Variants in PDE1A observed in about 807,000 individuals in gnomAD.
The protein encoded by PDE1A is dual specificity calcium/calmodulin-dependent 3',5'-cyclic nucleotide phosphodiesterase 1A.
In PDE1A, 35 loss-of-function variants were observed where a neutral mutation model predicts 61.7. That is an observed-to-expected ratio of 0.57 (90% CI 0.43 to 0.75). The LOEUF (loss-of-function observed/expected upper bound fraction) is 0.75. PDE1A is among the 30% of genes least tolerant of loss of function. The pLI is 0.00. For missense variants in PDE1A, 597 were observed against 630.6 expected (o/e 0.95, Z 0.57); for synonymous variants, 232 against 213.2 (o/e 1.09, Z -0.77).
intron 7 of PDE1A, among the ~76,000 whole-genome samples, chr2:182,215,965 A>G (rs1197462758): frequency 1.7e-5 from 2 of 117,924 alleles, no homozygotes; most frequent in African/African-American, 7.0e-5. Flanking sequence ...CACAACAAAA[A>G]AAGAGAATTT....
chr2:182,371,005 GCAAT>G (rs1700100578), intron 1 of PDE1A, among the ~76,000 whole-genome samples: 1 of 152,056 alleles, frequency 6.6e-6, no homozygotes, highest in African/African-American at 2.4e-5. Flanking sequence ...CTACTCAAAC[GCAAT>G]CAATTAACAT....
the PDE1A span, among the ~76,000 whole-genome samples, chr2:182,558,450 TAAAAC>T: frequency 1.3e-5 from 2 of 152,124 alleles, no homozygotes; most frequent in Non-Finnish European, 2.9e-5. Context: ...TAATATAAAA[TAAAAC>T]AAAATTAAAG....
chr2:182,585,430 A>T, the PDE1A span, among the ~76,000 whole-genome samples: 12,770 of 152,256 alleles, frequency 0.084, 1,723 homozygotes, highest in African/African-American at 0.29. Context: ...ACAGAAAGTG[A>T]TCGTATTCAT....
Position 182,502,916 on chromosome 2 carries a change from T to C in PDE1A, c.101+19360A>G, listed in dbSNP as rs142875703. ...TGAAATAGGCACATTATTACCTTTCTAAAATTTGGAAAGTTGTGAATTTGG... is the reference window on the plus strand; with the variant it reads ...TGAAATAGGCACATTATTACCTTTCCAAAATTTGGAAAGTTGTGAATTTGG... On this transcript the variant is annotated intron_variant, in intron 2 of 14. Transcript: ENST00000410103. 2.9e-3 allele frequency among the ~76,000 whole-genome samples: 434 copies of C among 152,278 alleles called. 2 individuals are homozygous for C. The highest frequency in any genetic ancestry group is 4.1e-3 in the Non-Finnish European group (278 of 68,024).
chr2:182,388,849 C>A (rs535974611), intron 1 of PDE1A, among the ~76,000 whole-genome samples: 10 of 151,818 alleles, frequency 6.6e-5, no homozygotes, highest in African/African-American at 1.9e-4. Flanking sequence ...GAAAAGTTAA[C>A]AAAATTAAGA....
chr2:182,148,054 G>T (rs1398777094), intron 13 of PDE1A, among the ~76,000 whole-genome samples: 1 of 152,268 alleles, frequency 6.6e-6, no homozygotes, highest in African/African-American at 2.4e-5. Context: ...CGATATGGAG[G>T]GTTGGGACTT....
chr2:182,331,907 T>G (rs996985032), intron 1 of PDE1A, among the ~76,000 whole-genome samples: 4 of 152,218 alleles, frequency 2.6e-5, no homozygotes, highest in African/African-American at 9.7e-5. Flanking sequence ...CTTGCTAGGT[T>G]GGGGAAGTTC....
chr2:182,432,282 C>T lies in PDE1A; in HGVS notation c.101+89994G>A, dbSNP rs148141426. Reference sequence around the variant, plus strand: ...TCCAACCAAGAATAAACTCTGTAGTCATTTTTAACTCTCCTTAACCACAAC... The same window carrying T: ...TCCAACCAAGAATAAACTCTGTAGTTATTTTTAACTCTCCTTAACCACAAC... On this transcript the variant is annotated intron_variant, in intron 2 of 14. Coordinates refer to the PDE1A transcript ENST00000410103. Among the ~76,000 whole-genome samples the T allele has an allele frequency of 1.7e-4, 26 of 152,244 alleles. No homozygotes were observed. In the East Asian group the frequency reaches 5.0e-3, roughly 29 times the overall value.
At chr2:182,454,712 C>T (rs1169672198) in intron 2 of PDE1A, among the ~76,000 whole-genome samples, 2 of 151,706 alleles carry the variant, frequency 1.3e-5, no homozygotes, top group African/African-American at 4.8e-5. Context: ...AACTGGCTAG[C>T]CATATGTAGA....
intron 1 of PDE1A, among the ~76,000 whole-genome samples, chr2:182,380,404 A>G (rs1455667557): frequency 1.3e-5 from 2 of 149,280 alleles, no homozygotes; most frequent in African/African-American, 5.0e-5. Context: ...GAGCCACCGC[A>G]CCCAGCCCCA....
chr2:182,381,479 T>C (rs1306297038), intron 1 of PDE1A, among the ~76,000 whole-genome samples: 1 of 152,172 alleles, frequency 6.6e-6, no homozygotes, highest in Non-Finnish European at 1.5e-5. Context: ...AATGTATCAG[T>C]GTAATGTCAT....
the PDE1A span, among the ~76,000 whole-genome samples, chr2:182,696,255 T>A: frequency 1.3e-5 from 2 of 152,212 alleles, no homozygotes; most frequent in Non-Finnish European, 1.5e-5. Flanking sequence ...CTATAGTACA[T>A]CCAGACAACG....
At chr2:182,398,099 T>C (rs1701808074) in intron 1 of PDE1A, among the ~76,000 whole-genome samples, 1 of 151,472 alleles carries the variant, frequency 6.6e-6, no homozygotes, top group African/African-American at 2.4e-5. Context: ...CTGAAAAAAA[T>C]GACAAAAAGA....
chr2:182,146,110 CCTTT>C (rs1690479995), downstream of PDE1A, among the ~76,000 whole-genome samples: 1 of 152,198 alleles, frequency 6.6e-6, no homozygotes, highest in East Asian at 1.9e-4. Context: ...ACACATCCCT[CCTTT>C]CTAACTGCCC....
At chr2:182,644,017 T>G in the PDE1A span, among the ~76,000 whole-genome samples, 1 of 151,830 alleles carries the variant, frequency 6.6e-6, no homozygotes, top group Non-Finnish European at 1.5e-5. Flanking sequence ...GTTTTCCCTT[T>G]TTTTAATTCC....
At chr2:182,557,154 G>A in the PDE1A span, among the ~76,000 whole-genome samples, 1 of 152,122 alleles carries the variant, frequency 6.6e-6, no homozygotes, top group Non-Finnish European at 1.5e-5. Context: ...AATTAGCCGG[G>A]AGAATCACTT....
chr2:182,614,548 C>T, the PDE1A span, among the ~76,000 whole-genome samples: 1 of 146,494 alleles, frequency 6.8e-6, no homozygotes, highest in Non-Finnish European at 1.5e-5. Flanking sequence ...AAGTAACTAG[C>T]ATATCTTTTT....
chr2:182,397,228 T>C (rs1378218344), intron 1 of PDE1A, among the ~76,000 whole-genome samples: 1 of 152,138 alleles, frequency 6.6e-6, no homozygotes, highest in Non-Finnish European at 1.5e-5. Flanking sequence ...GAACCTAACA[T>C]ATTTGAGGTG....
chr2:182,667,321 G>A, the PDE1A span, among the ~76,000 whole-genome samples: 1 of 152,114 alleles, frequency 6.6e-6, no homozygotes. Context: ...TAACAAATAT[G>A]GCTGCTTTAT....
Sources: gnomAD v4.1 joint callset for allele counts (sites outside exome capture counted in the v4.1 genomes callset) on GRCh38, gnomAD v4.1.1 for gene constraint, MANE v1.5 for transcripts, NCBI Gene and HGNC (gene_info 2026-07-23, HGNC 2026-07-21) for gene names.